Variants in MANSC1 observed in about 807,000 individuals in gnomAD.
The protein encoded by MANSC1 is MANSC domain containing 1.
Under a neutral mutation model 14.1 loss-of-function variants are expected in MANSC1, and 13 were observed. The observed-to-expected ratio is 0.92, with a 90% confidence interval of 0.60 to 1.46. MANSC1 has a LOEUF of 1.46. Among genes scored for constraint, MANSC1 ranks in the 40% most tolerant of loss-of-function variants. The pLI is 0.00. For synonymous variants in MANSC1, 227 were observed against 200.7 expected, an observed-to-expected ratio of 1.13 and a Z score of -1.11; for missense variants, 486 against 511.4, an observed-to-expected ratio of 0.95 and a Z score of 0.48.
chr12:12,339,874 A>G (rs1862911879), intron 2 of MANSC1, among the ~76,000 whole-genome samples: 1 of 151,946 alleles, frequency 6.6e-6, no homozygotes, highest in Non-Finnish European at 1.5e-5. Context: ...GTGCAGTGGA[A>G]CAATCATGGC....
intron 3 of MANSC1, among the ~76,000 whole-genome samples, chr12:12,337,954 G>A (rs547205246): frequency 1.3e-5 from 2 of 152,276 alleles, no homozygotes; most frequent in East Asian, 3.9e-4. Flanking sequence ...ATAAAATCCA[G>A]TGAGTTTGAT....
rs148720244 is a variant in MANSC1 at position 12,334,703 on chromosome 12, C to A, written c.364+3717G>T. ...TTCCCATTGGCAAGGAACTTCATCC[C>A]ATACATGCTCTTTTATATGTGCATT... On this transcript the variant is annotated intron_variant, in intron 3 of 3. Coordinates refer to ENST00000535902, the MANE Select transcript of MANSC1 (RefSeq NM_018050.4). Among the ~76,000 whole-genome samples the A allele has an allele frequency of 2.1e-3, 322 of 152,344 alleles. 4 individuals are homozygous for A. The highest frequency in any genetic ancestry group is 6.2e-3 in the African/African-American group (258 of 41,572).
At chr12:12,334,042 A>T (rs1156666533) in intron 3 of MANSC1, among the ~76,000 whole-genome samples, 3 of 152,178 alleles carry the variant, frequency 2.0e-5, no homozygotes, top group South Asian at 2.1e-4. Context: ...TGAGGCCAGG[A>T]GTTTGAGACC....
In MANSC1 at chr12:12,326,484, C is replaced by T. The variant is rs1475347239; in HGVS notation, c.*3543G>A. ...CTGCTGGGCAGCTGACCGGTAGTGC[C>T]CACCACAGTCTGGGAGCCAAAGAGT... On this transcript the variant is annotated 3_prime_UTR_variant, in exon 4 of 4. Transcript: ENST00000535902. 2.6e-5 allele frequency: 4 copies of T among 152,288 alleles called. No individual in the cohort carries two copies. Among genetic ancestry groups the T allele is most frequent in the Admixed American group, 1.3e-4 (2 of 15,260 alleles). 9.4% of individuals were successfully genotyped at this position (152,288 alleles called of 1,614,324 possible). A position where few individuals can be genotyped will look rare whatever the true frequency, so the allele number is the denominator to read the frequency against.
At chr12:12,346,318 T>C (rs778890293) in intron 1 of MANSC1, among the ~76,000 whole-genome samples, 3 of 151,714 alleles carry the variant, frequency 2.0e-5, no homozygotes, top group Non-Finnish European at 4.4e-5. Context: ...ACAGATTAAA[T>C]ACAGTCTTAA....
chr12:12,345,408 T>C (rs995413345), intron 1 of MANSC1, among the ~76,000 whole-genome samples: 1 of 151,900 alleles, frequency 6.6e-6, no homozygotes, highest in Non-Finnish European at 1.5e-5. Context: ...CCTTAAGAAG[T>C]ATCAAATCAG....
At chr12:12,346,545 C>T (rs1462256289) in intron 1 of MANSC1, among the ~76,000 whole-genome samples, 1 of 152,022 alleles carries the variant, frequency 6.6e-6, no homozygotes, top group Non-Finnish European at 1.5e-5. Context: ...AATAGTAAAC[C>T]CAGAAATAGA....
chr12:12,330,198 A>G lies in MANSC1; in HGVS notation c.1125T>C (p.Asn375=). 6.2e-7 allele frequency: 1 copy of G among 1,614,076 alleles called. No individual in the cohort carries two copies. The highest frequency in any genetic ancestry group is 2.2e-5 in the East Asian group (1 of 44,874). Reference sequence around the variant, plus strand: ...ATTTTTCAAATGGAAGGCCGTACTGATTTTCTGGAACACTGCCCTGGGAGG... The same window carrying G: ...ATTTTTCAAATGGAAGGCCGTACTGGTTTTCTGGAACACTGCCCTGGGAGG... ...GSSSQGSVPE[N]QYGLPFEKWL... Residue 375 remains asparagine, a synonymous_variant, in exon 4 of 4, where the codon AAT becomes AAC. Coordinates refer to ENST00000535902, the MANE Select transcript of MANSC1 (RefSeq NM_018050.4).
At chr12:12,340,790 T>C (rs1406774244) in intron 2 of MANSC1, among the ~76,000 whole-genome samples, 3 of 152,214 alleles carry the variant, frequency 2.0e-5, no homozygotes, top group Non-Finnish European at 2.9e-5. Flanking sequence ...CTTACAGTAT[T>C]CAGTCCTGCT....
Position 12,329,885 on chromosome 12 carries a change from C to CAAA in MANSC1, c.*141_*142insTTT. ...TGGGCAACAAAGCAAGACTCTGTCT[C>CAAA]CAAAAAAAAAAAAGGAAAGCAGAAG... On this transcript the variant is annotated 3_prime_UTR_variant, in exon 4 of 4. Coordinates refer to ENST00000535902, the MANE Select transcript of MANSC1 (RefSeq NM_018050.4). 1.6e-6 allele frequency: 1 copy of CAAA among 640,636 alleles called. No homozygotes were observed. The highest frequency in any genetic ancestry group is 2.6e-6 in the Non-Finnish European group (1 of 392,040). 39.7% of individuals were successfully genotyped at this position (640,636 alleles called of 1,614,324 possible).
rs1180378666 is a variant in MANSC1, at chr12:12,326,176, T to G, written c.*3851A>C. 1.3e-5 allele frequency: 2 copies of G among 152,196 alleles called. No individual in the cohort carries two copies. Among genetic ancestry groups the G allele is most frequent in the Non-Finnish European group, 2.9e-5 (2 of 68,036 alleles). The allele number at this position is 152,196 out of a possible 1,614,324, so 9.4% of individuals were successfully genotyped here. A position where few individuals can be genotyped will look rare whatever the true frequency, so the allele number is the denominator to read the frequency against. On this transcript the variant is annotated 3_prime_UTR_variant, in exon 4 of 4. Coordinates refer to ENST00000535902, the MANE Select transcript of MANSC1 (RefSeq NM_018050.4). ...GAGACTGGACTCTTCCTGTACCCAC[T>G]GCCACGCTCAGTGTGGCAGTGCCTT...
chr12:12,338,133 T>C (rs1462788377), intron 3 of MANSC1, among the ~76,000 whole-genome samples: 1 of 152,226 alleles, frequency 6.6e-6, no homozygotes, highest in East Asian at 1.9e-4. Context: ...CTTATTCCAG[T>C]GTTGCCGACC....
In MANSC1 at chr12:12,345,474, AC is replaced by A. The variant is rs1181992281; in HGVS notation, c.-100-2061del. Among the ~76,000 whole-genome samples, 6 of 152,340 alleles carry A rather than the reference AC, an allele frequency of 3.9e-5. No homozygotes were observed. In the East Asian group the frequency reaches 9.6e-4, roughly 24 times the overall value. ...AAATTAGCCAGTCAGCAGGAGGAAT[AC>A]GCTGCCTCAGTTAAAGGAAAGTTTA... is the stretch of plus-strand genomic sequence containing the variant. On this transcript the variant is annotated intron_variant, in intron 1 of 3. Transcript: ENST00000535902.
chr12:12,340,235 C>T (rs1318580090), intron 2 of MANSC1, among the ~76,000 whole-genome samples: 8 of 152,134 alleles, frequency 5.3e-5, no homozygotes, highest in Non-Finnish European at 5.9e-5. Flanking sequence ...CAGCGTATCC[C>T]TGGTCAGGCT....
chr12:12,338,900 CA>C, intron 2 of MANSC1: 1 of 280,156 alleles, frequency 3.6e-6, no homozygotes, highest in Non-Finnish European at 6.8e-6. Flanking sequence ...AACACACACA[CA>C]CACACACACA....
chr12:12,337,512 G>C lies in MANSC1; in HGVS notation c.364+908C>G, dbSNP rs144399855. ...GGAGGCGGAGCTTGCAGTGAGCCGA[G>C]ATCGCACCACTGCACTCCATCCTGG... On this transcript the variant is annotated intron_variant, in intron 3 of 3. Transcript: ENST00000535902. 2.3e-3 allele frequency among the ~76,000 whole-genome samples: 351 copies of C among 152,168 alleles called. 1 individual carries two copies. The Middle Eastern group carries it at 0.027, about 12-fold the overall frequency.
intron 2 of MANSC1, among the ~76,000 whole-genome samples, chr12:12,339,432 T>G (rs1862905702): frequency 6.6e-6 from 1 of 151,876 alleles, no homozygotes; most frequent in Admixed American, 6.6e-5. Context: ...ACACTCGGAT[T>G]TTTTTTGGTA....
chr12:12,343,142 G>A lies in MANSC1; in HGVS notation c.173C>T (p.Ser58Leu). 1 of 1,613,998 alleles carries A rather than the reference G, an allele frequency of 6.2e-7. No individual in the cohort carries two copies. Among genetic ancestry groups the A allele is most frequent in the Non-Finnish European group, 8.5e-7 (1 of 1,179,896 alleles). The stretch of plus-strand genomic sequence containing the variant: ...AGAATTAATGCAGTCTTCTTGAGTT[G>A]AAGTATATACGGGCTCATTGCCTCT... ...GIRGNEPVYT[S>L]TQEDCINSCC... is the part of the protein sequence containing the mutation. Residue 58 changes from serine to leucine, a missense_variant, in exon 2 of 4, where the codon TCA becomes TTA. Physicochemically the swap from Ser to Leu is moderately radical, Grantham distance 145. Transcript: ENST00000535902.
At chr12:12,340,784 C>T (rs949869604) in intron 2 of MANSC1, among the ~76,000 whole-genome samples, 2 of 152,164 alleles carry the variant, frequency 1.3e-5, no homozygotes, top group African/African-American at 4.8e-5. Flanking sequence ...ACCACACTTA[C>T]AGTATTCAGT....
Sources: allele counts gnomAD v4.1 joint callset (sites outside exome capture counted in the v4.1 genomes callset), GRCh38; gene constraint gnomAD v4.1.1; transcripts MANE v1.5; gene names NCBI Gene and HGNC (gene_info 2026-07-23, HGNC 2026-07-21).